NHS: variants seen among roughly 807,000 people sequenced by gnomAD.
NHS encodes NHS actin remodeling regulator, also known as actin remodeling regulator NHS.
Under a neutral mutation model 72.5 loss-of-function variants are expected in NHS, and 5 were observed. The ratio of observed to expected loss-of-function variants is 0.07; its 90% CI spans 0.04 to 0.14. The LOEUF is 0.14. Among genes scored for constraint, NHS ranks in the 10% least tolerant of loss-of-function variants. NHS has a pLI of 1.00. For synonymous variants in NHS, 464 were observed against 547.7 expected (o/e 0.85, Z 2.13); for missense variants, 1,072 against 1,355.7 (o/e 0.79, Z 3.29).
intron 1 of NHS, among the ~76,000 whole-genome samples, chrX:17,383,054 G>C (rs572510870): frequency 8.0e-5 from 9 of 111,920 alleles, no homozygotes; most frequent in Middle Eastern, 4.7e-3. Flanking sequence ...TCTCAAGTAG[G>C]ACTGAGCTCC....
chrX:17,379,131 A>AT (rs1272549880), intron 1 of NHS, among the ~76,000 whole-genome samples: 1 of 109,090 alleles, frequency 9.2e-6, no homozygotes, highest in Non-Finnish European at 1.9e-5. Context: ...CCTGATCCTC[A>AT]TTCCCCTGCG....
At chrX:17,715,226 G>C (rs140094855) in intron 3 of NHS, among the ~76,000 whole-genome samples, 6,984 of 111,441 alleles carry the variant, frequency 0.063, 424 homozygotes, top group African/African-American at 0.19. Flanking sequence ...CACTCTGTAT[G>C]TTTTTGCATC....
chrX:17,730,364 C>G (rs994039353), intron 8 of NHS, among the ~76,000 whole-genome samples: 20 of 112,002 alleles, frequency 1.8e-4, no homozygotes, highest in Middle Eastern at 4.8e-3. Context: ...CTATAGCTCA[C>G]GTATTTGATT....
intron 1 of NHS, among the ~76,000 whole-genome samples, chrX:17,554,829 GTTTTCTTTT>G (rs2065359235): frequency 1.9e-5 from 2 of 107,471 alleles, no homozygotes; most frequent in South Asian, 3.8e-4. Flanking sequence ...AGGAATGGCT[GTTTTCTTTT>G]TTTTCTTTTT....
intron 1 of NHS, among the ~76,000 whole-genome samples, chrX:17,496,325 T>A (rs1289084977): frequency 9.0e-6 from 1 of 111,337 alleles, no homozygotes; most frequent in East Asian, 2.8e-4. Context: ...GACCCCTGAT[T>A]TAGCCTGTTT....
intron 1 of NHS, among the ~76,000 whole-genome samples, chrX:17,669,940 GGAA>G (rs1345468182): frequency 8.9e-6 from 1 of 111,944 alleles, no homozygotes; most frequent in Non-Finnish European, 1.9e-5. Context: ...ATTCACCCCA[GGAA>G]GAAGAAACTT....
chrX:17,384,721 T>G (rs2064396754), intron 1 of NHS, among the ~76,000 whole-genome samples: 1 of 112,429 alleles, frequency 8.9e-6, no homozygotes, highest in Non-Finnish European at 1.9e-5. Flanking sequence ...TCTCTCCTAT[T>G]GTCCCATGTT....
In NHS at chrX:17,726,454, G is replaced by A. The variant is rs398124606; in HGVS notation, c.2348G>A (p.Gly783Glu). 3 of 1,210,402 alleles carry A rather than the reference G, an allele frequency of 2.5e-6. No homozygotes were observed. The highest frequency in any genetic ancestry group is 3.0e-5 in the East Asian group (1 of 33,762). The change falls in exon 7 of 9, where the codon GGA becomes GAA. Residue 783 changes from glycine to glutamate, a missense_variant. Physicochemically the swap from Gly to Glu is moderately conservative, Grantham distance 98. Transcript: ENST00000676302. ...TSSHFSVDTE[G>E]YYTSMHFDCG... ...TCTCACTTTTCAGTAGACACGGAAG[G>A]ATACTATACCTCCATGCACTTTGAC...
intron 1 of NHS, among the ~76,000 whole-genome samples, chrX:17,631,474 T>C (rs1444097795): frequency 8.9e-6 from 1 of 112,001 alleles, no homozygotes; most frequent in Non-Finnish European, 1.9e-5. Flanking sequence ...AGAGACTCTA[T>C]ATTAGGAAGA....
At chrX:17,549,470 C>T (rs1489098399) in intron 1 of NHS, among the ~76,000 whole-genome samples, 2 of 111,588 alleles carry the variant, frequency 1.8e-5, no homozygotes, top group African/African-American at 6.5e-5. Flanking sequence ...CCCCTCCCTG[C>T]AAGCCCAGGG....
chrX:17,534,898 C>T (rs776568521), intron 1 of NHS, among the ~76,000 whole-genome samples: 53 of 111,879 alleles, frequency 4.7e-4, no homozygotes, highest in African/African-American at 1.5e-3. Flanking sequence ...TGTCAGCCTT[C>T]GAGCAGGGCA....
chrX:17,594,681 A>G (rs2065617466), intron 1 of NHS, among the ~76,000 whole-genome samples: 1 of 112,829 alleles, frequency 8.9e-6, no homozygotes, highest in Non-Finnish European at 1.9e-5. Context: ...AGCAAACAGA[A>G]CAGGAGAAGA....
At chrX:17,571,680 G>C (rs1157565030) in intron 1 of NHS, among the ~76,000 whole-genome samples, 1 of 111,661 alleles carries the variant, frequency 9.0e-6, no homozygotes, top group African/African-American at 3.3e-5. Context: ...GTTCTGCTCT[G>C]ATCTTAGTTA....
chrX:17,519,484 GAAGT>G (rs1191178288), intron 1 of NHS, among the ~76,000 whole-genome samples: 1 of 112,106 alleles, frequency 8.9e-6, no homozygotes, highest in Non-Finnish European at 1.9e-5. Context: ...AAGCTGTTGA[GAAGT>G]AAGGGGGACA....
At chrX:17,487,788 C>T (rs1001358163) in intron 1 of NHS, among the ~76,000 whole-genome samples, 1 of 111,580 alleles carries the variant, frequency 9.0e-6, no homozygotes, top group African/African-American at 3.3e-5. Context: ...GGAAGAGTCT[C>T]AATGTGAGCA....
At chrX:17,614,087 A>T (rs1283184872) in intron 1 of NHS, among the ~76,000 whole-genome samples, 1 of 111,810 alleles carries the variant, frequency 8.9e-6, no homozygotes, top group African/African-American at 3.3e-5. Context: ...TGGACTGGGG[A>T]GGTGGTGTTA....
At chrX:17,411,466 C>A (rs2064557785) in intron 1 of NHS, among the ~76,000 whole-genome samples, 2 of 111,619 alleles carry the variant, frequency 1.8e-5, no homozygotes, top group African/African-American at 6.5e-5. Context: ...TACAGTATAA[C>A]CCAATCCTTG....
chrX:17,398,984 A>G (rs186393244), intron 1 of NHS, among the ~76,000 whole-genome samples: 1 of 112,375 alleles, frequency 8.9e-6, no homozygotes, highest in African/African-American at 3.2e-5. Context: ...TAATTTGGAC[A>G]TTGGAAAAAT....
At chrX:17,706,659 C>CA (rs2066298054) in intron 3 of NHS, among the ~76,000 whole-genome samples, 1 of 111,698 alleles carries the variant, frequency 9.0e-6, no homozygotes. Flanking sequence ...GTTTATATAA[C>CA]AAAATCTAGA....
Sources: gnomAD v4.1 joint callset for allele counts (sites outside exome capture counted in the v4.1 genomes callset) on GRCh38, gnomAD v4.1.1 for gene constraint, MANE v1.5 for transcripts, NCBI Gene and HGNC (gene_info 2026-07-23, HGNC 2026-07-21) for gene names.